The following NBEA variants were observed in gnomAD, a reference collection of about 807,000 sequenced individuals.
NBEA encodes neurobeachin.
A neutral mutation model predicts 343.4 loss-of-function variants in NBEA; 44 were observed. That is an observed-to-expected ratio of 0.13 (90% confidence interval 0.10 to 0.16). The LOEUF (loss-of-function observed/expected upper bound fraction) is 0.16. Ranked by LOEUF, NBEA falls within the 10% of genes least tolerant of loss-of-function variation. NBEA has a pLI of 1.00. For synonymous variants in NBEA, 1,175 were observed against 1,238.7 expected, an observed-to-expected ratio of 0.95 and a Z score of 1.08; for missense variants, 2,555 against 3,631.3, an observed-to-expected ratio of 0.70 and a Z score of 7.62.
chr13:35,055,989 T>G (rs2063244601), intron 6 of NBEA, 21 bp from the exon 7 acceptor site: 1 of 1,554,030 alleles, frequency 6.4e-7, no homozygotes, highest in South Asian at 1.2e-5. Flanking sequence ...CATATTGATA[T>G]ATTTAATTTT....
intron 1 of NBEA, among the ~76,000 whole-genome samples, chr13:35,007,200 CTTT>C (rs1453258637): frequency 6.6e-6 from 1 of 152,034 alleles, no homozygotes; most frequent in Non-Finnish European, 1.5e-5. Flanking sequence ...AACACTGCTT[CTTT>C]ATTTCTTTCT....
intron 49 of NBEA, among the ~76,000 whole-genome samples, chr13:35,630,025 G>A (rs1436446111): frequency 2.0e-5 from 3 of 151,518 alleles, no homozygotes; most frequent in East Asian, 1.9e-4. Flanking sequence ...ATCCTGTTGG[G>A]CAAAACAAAT....
intron 34 of NBEA, among the ~76,000 whole-genome samples, chr13:35,264,980 A>G (rs1191399418): frequency 6.6e-6 from 1 of 151,944 alleles, no homozygotes; most frequent in African/African-American, 2.4e-5. Flanking sequence ...TCTTATATGT[A>G]GAAAACCCTA....
At chr13:35,071,877 G>C (rs1450177717) in intron 10 of NBEA, among the ~76,000 whole-genome samples, 1 of 151,934 alleles carries the variant, frequency 6.6e-6, no homozygotes, top group African/African-American at 2.4e-5. Flanking sequence ...ATATGGATAT[G>C]AGATTTGTAC....
At chr13:35,578,692 A>G (rs2080865621) in intron 45 of NBEA, among the ~76,000 whole-genome samples, 1 of 152,186 alleles carries the variant, frequency 6.6e-6, no homozygotes, top group South Asian at 2.1e-4. Flanking sequence ...ACAAATATAT[A>G]GTATCATCAG....
intron 6 of NBEA, 135 bp downstream of exon 6, chr13:35,050,530 T>G: frequency 1.0e-6 from 1 of 971,464 alleles, no homozygotes. Context: ...TTGTCTGCAT[T>G]TCCTTTTTAC....
chr13:35,431,666 T>C (rs1216630022), intron 38 of NBEA, among the ~76,000 whole-genome samples: 2 of 152,184 alleles, frequency 1.3e-5, no homozygotes, highest in African/African-American at 4.8e-5. Context: ...ACTGGAAATT[T>C]TTGCAGCTCT....
chr13:35,216,257 A>G (rs2074058004), intron 33 of NBEA, among the ~76,000 whole-genome samples: 1 of 151,716 alleles, frequency 6.6e-6, no homozygotes, highest in African/African-American at 2.4e-5. Flanking sequence ...TAGAGTGGAA[A>G]CTGAGATTGA....
At chr13:35,204,021 T>C (rs756643132) in intron 31 of NBEA, among the ~76,000 whole-genome samples, 2 of 152,134 alleles carry the variant, frequency 1.3e-5, no homozygotes, top group Non-Finnish European at 1.5e-5. Flanking sequence ...CATGGACTGG[T>C]ACCGGTCTGT....
chr13:35,124,737 G>GAT (rs2067015513), intron 17 of NBEA, among the ~76,000 whole-genome samples: 3 of 149,458 alleles, frequency 2.0e-5, no homozygotes, highest in African/African-American at 7.4e-5. Context: ...CATATGTATG[G>GAT]ATATATACAC....
rs1034361928 is a variant in NBEA, at chr13:35,285,118, T to TA, written c.5777-5269dup. On this transcript the variant is annotated intron_variant, in intron 34 of 58. Transcript: ENST00000379939. ...GTATTTCAGTGCCATTCAGCTCTAC[T>TA]AATTTGGGGATTTTTAAAAGTTAAG... Among the ~76,000 whole-genome samples, 77 of 152,246 alleles carry TA rather than the reference T, an allele frequency of 5.1e-4. 1 individual carries two copies. Among genetic ancestry groups the TA allele is most frequent in the African/African-American group, 1.8e-3 (74 of 41,564 alleles).
intron 1 of NBEA, among the ~76,000 whole-genome samples, chr13:35,022,359 T>C (rs2061873636): frequency 6.6e-6 from 1 of 152,110 alleles, no homozygotes; most frequent in Non-Finnish European, 1.5e-5. Context: ...ACTGTATTTG[T>C]AGCAGCATTT....
At chr13:35,329,295 G>C (rs1288888796) in intron 36 of NBEA, among the ~76,000 whole-genome samples, 2 of 151,876 alleles carry the variant, frequency 1.3e-5, no homozygotes, top group Admixed American at 6.6e-5. Flanking sequence ...TATTTTACAA[G>C]GTTAAACATA....
At chr13:35,185,235 CT>C (rs1458328690) in intron 30 of NBEA, 1 of 152,146 alleles carries the variant, frequency 6.6e-6, no homozygotes, top group Non-Finnish European at 1.5e-5. Flanking sequence ...GACTTTAGTC[CT>C]ACAGCAGGAA....
At chr13:35,274,141 A>C (rs2034405120) in intron 34 of NBEA, among the ~76,000 whole-genome samples, 1 of 152,206 alleles carries the variant, frequency 6.6e-6, no homozygotes, top group Non-Finnish European at 1.5e-5. Flanking sequence ...TGAATCCAGC[A>C]GCATATCAAA....
chr13:35,353,524 G>GT (rs1464536735), intron 38 of NBEA, among the ~76,000 whole-genome samples: 1 of 151,908 alleles, frequency 6.6e-6, no homozygotes, highest in Admixed American at 6.6e-5. Context: ...TGTAAGATAG[G>GT]TTTTTTAAAA....
intron 36 of NBEA, among the ~76,000 whole-genome samples, chr13:35,312,467 A>T (rs908550870): frequency 2.0e-5 from 3 of 152,314 alleles, no homozygotes; most frequent in Admixed American, 6.5e-5. Flanking sequence ...AGCTATTTAA[A>T]TGCATGTTGT....
At chr13:35,152,352 T>C (rs1224551541) in intron 18 of NBEA, among the ~76,000 whole-genome samples, 1 of 152,216 alleles carries the variant, frequency 6.6e-6, no homozygotes, top group African/African-American at 2.4e-5. Context: ...ATTCAAACTT[T>C]CTATTCACAG....
chr13:35,251,270 G>C, intron 34 of NBEA: 1 of 465,416 alleles, frequency 2.1e-6, no homozygotes, highest in Non-Finnish European at 3.0e-6. Context: ...GCCAGTCGTC[G>C]CTGGTAGCAG....
Sources: gnomAD v4.1 joint callset for allele counts (sites outside exome capture counted in the v4.1 genomes callset) on GRCh38, gnomAD v4.1.1 for gene constraint, MANE v1.5 for transcripts, NCBI Gene and HGNC (gene_info 2026-07-23, HGNC 2026-07-21) for gene names.